The following MAGED2 variants were observed in gnomAD, a reference collection of about 807,000 sequenced individuals.
MAGED2 encodes the protein melanoma-associated antigen D2.
MAGED2 carries 6 observed loss-of-function variants against 41.7 expected under a neutral mutation model. The observed-to-expected ratio is 0.14, with a 90% CI of 0.08 to 0.28. The LOEUF is 0.28. Ranked by LOEUF, MAGED2 falls within the 10% of genes least tolerant of loss-of-function variation. The pLI, the probability that MAGED2 is intolerant of heterozygous loss-of-function variation, is 1.00. For missense variants in MAGED2, 343 were observed against 486.4 expected (o/e 0.71, Z 2.77); for synonymous variants, 146 against 178.2 (o/e 0.82, Z 1.44).
chrX:54,814,361 AC>A, intron 10 of MAGED2: 1 of 457,874 alleles, frequency 2.2e-6, no homozygotes, highest in Middle Eastern at 3.9e-4. Context: ...AGGCCAAGAC[AC>A]TTGCAGTGGG....
chrX:54,810,349 G>C, intron 3 of MAGED2, 136 bp downstream of exon 3: 1 of 434,097 alleles, frequency 2.3e-6, no homozygotes, highest in South Asian at 5.0e-5. Flanking sequence ...TGTAATTCCT[G>C]TCTTCAGAGA....
rs752778394 is a variant in MAGED2 at position 54,810,036 on chromosome X, C to T, written c.360C>T (p.Ala120=). The T allele has an allele frequency of 4.1e-6, 5 of 1,208,268 alleles. No homozygotes were observed. The highest frequency in any genetic ancestry group is 4.6e-4 in the Middle Eastern group (2 of 4,353). ...ACCCGCAGGCTGTGACAATGCCTGC[C>T]ACTGAGACCAAAAAGGTCAGCCATG... The part of the protein sequence containing the change: ...NADPQAVTMP[A]TETKKVSHVA... Residue 120 remains alanine (A), a synonymous_variant, in exon 3 of 13, where the codon GCC becomes GCT. Transcript: ENST00000375068.
intron 1 of MAGED2, chrX:54,809,075 G>C (rs926644152): frequency 1.2e-5 from 5 of 400,941 alleles, no homozygotes; most frequent in Non-Finnish European, 2.2e-5. Flanking sequence ...AAGGGGCGGG[G>C]TCCTCAGAGC....
intron 1 of MAGED2, 132 bp from the exon 2 acceptor site, chrX:54,809,171 G>A (rs1929718338): frequency 2.1e-6 from 1 of 482,582 alleles, no homozygotes; most frequent in African/African-American, 2.4e-5. Flanking sequence ...CTGTATCTGA[G>A]AACGGAGTCG....
Position 54,815,973 on chromosome X carries a change from A to G in MAGED2, c.*101A>G, listed in dbSNP as rs1929958909. 1 of 272,616 alleles carries G rather than the reference A, an allele frequency of 3.7e-6. No homozygotes were observed. The highest frequency in any genetic ancestry group is 6.5e-6 in the Non-Finnish European group (1 of 154,694). The allele number at this position is 272,616 out of a possible 1,213,427, so 22.5% of individuals were successfully genotyped here. On this transcript the variant is annotated 3_prime_UTR_variant, in exon 13 of 13. Coordinates refer to ENST00000375068, the MANE Select transcript of MAGED2 (RefSeq NM_177433.3). ...CACTCTAGGCAGCCACTATCAATCA[A>G]TTGAAGTTGACACTCTGCATTAAAT...
chrX:54,812,616 C>T (rs1452102755), intron 7 of MAGED2, among the ~76,000 whole-genome samples: 1 of 111,790 alleles, frequency 8.9e-6, no homozygotes, highest in African/African-American at 3.3e-5. Context: ...ATGCATGAAG[C>T]GCAGGAGTGT....
At position 54,814,729 on chromosome X, in the gene MAGED2, C is replaced by T; in HGVS notation, c.1340C>T (p.Ser447Phe). Residue 447 changes from serine to phenylalanine, a missense_variant, in exon 11 of 13, where the codon TCT becomes TTT. Physicochemically the swap from Ser to Phe is radical, Grantham distance 155. Transcript: ENST00000375068. The part of the protein sequence containing the change: ...PEYEFFWGLR[S>F]YYETSKMKVL... ...TATGAGTTCTTCTGGGGCCTGCGCTCTTACTATGAGACCAGCAAGATGAAA... is the reference window on the plus strand; with the variant it reads ...TATGAGTTCTTCTGGGGCCTGCGCTTTTACTATGAGACCAGCAAGATGAAA... 1 of 1,211,532 alleles carries T rather than the reference C, an allele frequency of 8.3e-7. No individual in the cohort carries two copies. Among genetic ancestry groups the T allele is most frequent in the African/African-American group, 1.7e-5 (1 of 57,831 alleles).
chrX:54,808,823 G>A (rs1300939667), intron 1 of MAGED2, among the ~76,000 whole-genome samples: 6 of 112,489 alleles, frequency 5.3e-5, no homozygotes, highest in Non-Finnish European at 1.9e-5. Context: ...GGAGAGGGGC[G>A]TGTGTTGGGG....
In MAGED2 at chrX:54,815,345, C is replaced by G; in HGVS notation, c.1484C>G (p.Ala495Gly). The G allele has an allele frequency of 8.3e-7, 1 of 1,208,274 alleles. No individual in the cohort carries two copies. The highest frequency in any genetic ancestry group is 1.1e-6 in the Non-Finnish European group (1 of 893,136). The change falls in exon 12 of 13, where the codon GCT (alanine) becomes GGT (glycine). Residue 495 changes from alanine (A) to glycine (G), a missense_variant. Physicochemically the swap from Ala to Gly is moderately conservative, Grantham distance 60. Coordinates refer to ENST00000375068, the MANE Select transcript of MAGED2 (RefSeq NM_177433.3). ...GCTGAGGCTGCAGCTGAAGCCAAGG[C>G]TAGGGCCGAGATTAGAGCTCGAATG... ...AAAEAAAEAK[A>G]RAEIRARMGI...
chrX:54,812,089 A>G lies in MAGED2; in HGVS notation c.991-68A>G, dbSNP rs774822404. 23 of 617,398 alleles carry G rather than the reference A, an allele frequency of 3.7e-5. No individual in the cohort carries two copies. The South Asian group carries it at 4.9e-4, about 13-fold the overall frequency. The allele number at this position is 617,398 out of a possible 1,213,427, so 50.9% of individuals were successfully genotyped here. On this transcript the variant is annotated intron_variant, in intron 6 of 12. Coordinates refer to ENST00000375068, the MANE Select transcript of MAGED2 (RefSeq NM_177433.3). ...TCACACATGCGAAACTCCTAGGTAC[A>G]TAGGGAGCTGCAGCATGCCCCGGAA...
Position 54,816,005 on chromosome X carries a change from G to A in MAGED2, c.*133G>A, listed in dbSNP as rs1325776252. 9 of 201,348 alleles carry A rather than the reference G, an allele frequency of 4.5e-5. No individual in the cohort carries two copies. The highest frequency in any genetic ancestry group is 2.0e-4 in the Admixed American group (3 of 14,759). 16.6% of individuals were successfully genotyped at this position (201,348 alleles called of 1,213,427 possible). On this transcript the variant is annotated 3_prime_UTR_variant, in exon 13 of 13. Transcript: ENST00000375068. ...TTGACACTCTGCATTAAATCTATTTGCCATTTCTGAGTTTATTGCTTTTTT... is the reference window on the plus strand; with the variant it reads ...TTGACACTCTGCATTAAATCTATTTACCATTTCTGAGTTTATTGCTTTTTT...
chrX:54,811,415 C>A, intron 5 of MAGED2, 102 bp downstream of exon 5: 2 of 953,291 alleles, frequency 2.1e-6, no homozygotes, highest in Non-Finnish European at 3.0e-6. Flanking sequence ...ATGTCTCTGT[C>A]CTCCCAAAGT....
intron 7 of MAGED2, among the ~76,000 whole-genome samples, 166 bp downstream of exon 7, chrX:54,812,417 G>A (rs1929836974): frequency 8.9e-6 from 1 of 112,023 alleles, no homozygotes; most frequent in Non-Finnish European, 1.9e-5. Flanking sequence ...TACAGTGGTG[G>A]CACCTGATTA....
At chrX:54,813,193 G>C (rs189488481) in intron 9 of MAGED2, 33 bp downstream of exon 9, 2 of 1,210,322 alleles carry the variant, frequency 1.7e-6, no homozygotes, top group South Asian at 3.5e-5. Flanking sequence ...CTTGCTGTCC[G>C]TGTTGTCCTT....
At chrX:54,810,284 T>C (rs1402206362) in intron 3 of MAGED2, 71 bp downstream of exon 3, 1 of 672,002 alleles carries the variant, frequency 1.5e-6, no homozygotes, top group Admixed American at 3.9e-5. Context: ...TCTACAAACA[T>C]TTAGAAAGAT....
intron 1 of MAGED2, 56 bp from the exon 2 acceptor site, chrX:54,809,247 A>C (rs950671877): frequency 1.6e-5 from 16 of 987,581 alleles, no homozygotes; most frequent in Non-Finnish European, 2.0e-5. Context: ...TCCAGGCACA[A>C]CAGGGGAGAG....
In MAGED2 at chrX:54,809,982, A is replaced by G. The variant is rs150921056; in HGVS notation, c.306A>G (p.Leu102=). Residue 102 remains leucine (L), a synonymous_variant, in exon 3 of 13, where the codon CTA becomes CTG. Coordinates refer to ENST00000375068, the MANE Select transcript of MAGED2 (RefSeq NM_177433.3). ...TQVLAAENKS[L]AADTKKQNAD... is the part of the protein sequence containing the mutation. ...TTCTGGCAGCTGAAAACAAGAGTCT[A>G]GCAGCTGACACCAAGAAACAGAATG... 4 of 1,203,277 alleles carry G rather than the reference A, an allele frequency of 3.3e-6. No homozygotes were observed. The African/African-American group carries it at 7.0e-5, about 21-fold the overall frequency.
At chrX:54,809,216 T>A in intron 1 of MAGED2, 87 bp from the exon 2 acceptor site, 2 of 666,374 alleles carry the variant, frequency 3.0e-6, no homozygotes, top group Non-Finnish European at 2.4e-6. Context: ...ATTGGGGACC[T>A]ACGGAAGGTG....
In MAGED2 at chrX:54,810,822, T is replaced by C; in HGVS notation, c.539T>C (p.Val180Ala). The change falls in exon 4 of 13, where the codon GTG becomes GCG. Residue 180 changes from valine (V) to alanine (A), a missense_variant and splice_region_variant. Physicochemically the swap from Val to Ala is moderately conservative, Grantham distance 64 (BLOSUM62 0). This residue lies in a region of MAGED2 where 195 missense variants were observed against 221.2 expected (regional missense o/e 0.88). Coordinates refer to ENST00000375068, the MANE Select transcript of MAGED2 (RefSeq NM_177433.3). ...TGAGCTTCCTCTCTGTTGATGCAGG[T>C]GAAGCATCTGGATGGGGAAGAGGAT... Reference protein sequence around the residue: ...PKVKAKKARKVKHLDGEEDGS... With the variant: ...PKVKAKKARKAKHLDGEEDGS... The C allele has an allele frequency of 8.6e-7, 1 of 1,157,677 alleles. No individual in the cohort carries two copies. Among genetic ancestry groups the C allele is most frequent in the Non-Finnish European group, 1.2e-6 (1 of 868,360 alleles).
Sources: gnomAD v4.1 joint callset for allele counts (sites outside exome capture counted in the v4.1 genomes callset) on GRCh38, gnomAD v4.1.1 for gene constraint, gnomAD v4.1.1 regional missense constraint, MANE v1.5 for transcripts, NCBI Gene and HGNC (gene_info 2026-07-23, HGNC 2026-07-21) for gene names.